TENM4: variants seen among roughly 807,000 people sequenced by gnomAD.
TENM4 encodes teneurin-4.
A neutral mutation model predicts 243.3 loss-of-function variants in TENM4; 82 were observed. The observed-to-expected ratio is 0.34, with a 90% CI of 0.28 to 0.40. TENM4 has a LOEUF of 0.40. Ranked by LOEUF, TENM4 falls within the 10% of genes least tolerant of loss-of-function variation. The pLI, the probability that TENM4 is intolerant of heterozygous loss-of-function variation, is 1.00. For synonymous variants in TENM4, 1,412 were observed against 1,456.3 expected, an observed-to-expected ratio of 0.97 and a Z score of 0.69; for missense variants, 3,138 against 3,673.3, an observed-to-expected ratio of 0.85 and a Z score of 3.77.
chr11:79,134,230 A>G (rs958507012), intron 4 of TENM4, among the ~76,000 whole-genome samples: 4 of 152,244 alleles, frequency 2.6e-5, no homozygotes, highest in Admixed American at 2.0e-4. Flanking sequence ...AAAATCAGGA[A>G]CTCAACTCCT....
At chr11:78,732,291 G>C in intron 21 of TENM4, 25 bp downstream of exon 21, 1 of 1,573,322 alleles carries the variant, frequency 6.4e-7, no homozygotes, top group Non-Finnish European at 8.6e-7. Context: ...AAGCATGGTG[G>C]AATGCAATTA....
At chr11:78,836,681 G>C (rs1858124049) in intron 12 of TENM4, among the ~76,000 whole-genome samples, 1 of 152,146 alleles carries the variant, frequency 6.6e-6, no homozygotes. Flanking sequence ...CTTTCTTAAA[G>C]TGAATCCTCA....
At chr11:79,358,315 T>A (rs1167832431) in intron 1 of TENM4, among the ~76,000 whole-genome samples, 1 of 152,204 alleles carries the variant, frequency 6.6e-6, no homozygotes, top group Non-Finnish European at 1.5e-5. Context: ...AATGCCAATA[T>A]TACATCTTGT....
chr11:79,367,260 C>T (rs372771932), intron 1 of TENM4, among the ~76,000 whole-genome samples: 7 of 152,160 alleles, frequency 4.6e-5, no homozygotes, highest in East Asian at 1.9e-4. Flanking sequence ...TCAATACGTG[C>T]GGTTTTCTCT....
At chr11:78,968,761 G>A (rs574426156) in intron 6 of TENM4, among the ~76,000 whole-genome samples, 7 of 152,282 alleles carry the variant, frequency 4.6e-5, no homozygotes, top group African/African-American at 1.7e-4. Flanking sequence ...AATTGTCTAT[G>A]GTCGTAAGGC....
chr11:79,144,599 T>TA (rs1223204400), intron 4 of TENM4, among the ~76,000 whole-genome samples: 1 of 151,870 alleles, frequency 6.6e-6, no homozygotes, highest in South Asian at 2.1e-4. Flanking sequence ...TATTCAGCCA[T>TA]AAAAAATAAA....
At chr11:79,131,508 C>G (rs1862002625) in intron 4 of TENM4, among the ~76,000 whole-genome samples, 1 of 152,206 alleles carries the variant, frequency 6.6e-6, no homozygotes, top group Non-Finnish European at 1.5e-5. Context: ...CCAGCTACCA[C>G]TACAAGAACT....
chr11:79,261,384 C>G (rs771497002), intron 2 of TENM4, among the ~76,000 whole-genome samples: 26 of 152,222 alleles, frequency 1.7e-4, no homozygotes, highest in Non-Finnish European at 5.9e-5. Flanking sequence ...GACACAAACT[C>G]TGTTCCCGGT....
chr11:79,175,569 T>G (rs1435977128), intron 3 of TENM4, among the ~76,000 whole-genome samples: 1 of 152,186 alleles, frequency 6.6e-6, no homozygotes, highest in East Asian at 1.9e-4. Context: ...TATATGTTGT[T>G]AAATGAAAAA....
rs187996084 is a variant in TENM4, at chr11:78,856,122, C to A, written c.1312G>T (p.Val438Leu). The A allele has an allele frequency of 1.9e-4, 301 of 1,551,696 alleles. 1 individual carries two copies. The African/African-American group carries it at 3.8e-3, about 20-fold the overall frequency. Residue 438 changes from valine (V) to leucine (L), a missense_variant, in exon 11 of 34, where the codon GTG (valine) becomes TTG (leucine). Coordinates refer to ENST00000278550, the MANE Select transcript of TENM4 (RefSeq NM_001098816.3). ...DSFIDSGEIDVGRRASQKIPP... is the reference protein window; with the variant it reads ...DSFIDSGEIDLGRRASQKIPP... ...ATCTTCTGGGAAGCTCGCCTTCCCA[C>A]ATCAATTTCTCCAGAATCTATGAAA... is the stretch of plus-strand genomic sequence containing the variant.
At chr11:79,192,481 C>T (rs1305624505) in intron 3 of TENM4, among the ~76,000 whole-genome samples, 2 of 152,150 alleles carry the variant, frequency 1.3e-5, no homozygotes, top group African/African-American at 2.4e-5. Context: ...CAACCCTGTG[C>T]TCTCTGAAAC....
At chr11:79,270,596 C>T (rs985152452) in intron 2 of TENM4, among the ~76,000 whole-genome samples, 8 of 152,076 alleles carry the variant, frequency 5.3e-5, no homozygotes, top group African/African-American at 9.7e-5. Flanking sequence ...TGGCTCTCAC[C>T]CCCATCCCAG....
intron 16 of TENM4, among the ~76,000 whole-genome samples, chr11:78,784,451 G>A (rs963829258): frequency 1.3e-5 from 2 of 152,078 alleles, no homozygotes; most frequent in East Asian, 1.9e-4. Context: ...AGCTGGCCAC[G>A]GGCAGAGACC....
chr11:79,032,621 G>A (rs1000686978), intron 6 of TENM4, among the ~76,000 whole-genome samples: 7 of 152,126 alleles, frequency 4.6e-5, no homozygotes, highest in African/African-American at 1.7e-4. Flanking sequence ...CCACTGCTTA[G>A]GGAGCCAGAG....
chr11:78,736,479 T>C (rs60031686), intron 20 of TENM4, among the ~76,000 whole-genome samples: 9,934 of 99,178 alleles, frequency 0.1, 510 homozygotes, highest in African/African-American at 0.16. Context: ...TGTGTGTGTG[T>C]GCGCGCGCGT....
At chr11:78,921,785 A>C (rs1004038249) in intron 6 of TENM4, among the ~76,000 whole-genome samples, 1 of 152,214 alleles carries the variant, frequency 6.6e-6, no homozygotes, top group Non-Finnish European at 1.5e-5. Context: ...TCTCAGACTG[A>C]GGATCATGAG....
chr11:79,139,785 T>TATTATATATATATATATTA (rs762316039), intron 4 of TENM4, among the ~76,000 whole-genome samples: 1 of 19,094 alleles, frequency 5.2e-5, no homozygotes, highest in Non-Finnish European at 1.1e-4. Context: ...ATAATATATA[T>TATTATATATATATATATTA]TATATTTATA....
At chr11:79,360,062 C>T (rs1431352502) in intron 1 of TENM4, among the ~76,000 whole-genome samples, 1 of 152,178 alleles carries the variant, frequency 6.6e-6, no homozygotes, top group East Asian at 1.9e-4. Context: ...GAACATCCCT[C>T]CTCTATTCAT....
chr11:78,695,714 G>A (rs373203139), intron 28 of TENM4, among the ~76,000 whole-genome samples: 2 of 151,142 alleles, frequency 1.3e-5, no homozygotes, highest in African/African-American at 2.4e-5. Context: ...CTTCTGGCTT[G>A]CACAGTTTCT....
Sources: gnomAD v4.1 joint callset for allele counts (sites outside exome capture counted in the v4.1 genomes callset) on GRCh38, gnomAD v4.1.1 for gene constraint, MANE v1.5 for transcripts, NCBI Gene and HGNC (gene_info 2026-07-23, HGNC 2026-07-21) for gene names.